SGCZ: variants seen among roughly 807,000 people sequenced by gnomAD.
SGCZ encodes sarcoglycan zeta, also known as zeta-sarcoglycan.
Under a neutral mutation model 41.3 loss-of-function variants are expected in SGCZ, and 40 were observed. The ratio of observed to expected loss-of-function variants is 0.97; its 90% CI spans 0.75 to 1.26. The LOEUF (loss-of-function observed/expected upper bound fraction) is 1.26, where lower values mean the gene tolerates loss of function less well. Among genes scored for constraint, SGCZ ranks in the 50% most tolerant of loss-of-function variants. The pLI, the probability that SGCZ is intolerant of heterozygous loss-of-function variation, is 0.00. For missense variants in SGCZ, 552 were observed against 369.8 expected (o/e 1.49, Z -4.04); for synonymous variants, 206 against 137.5 (o/e 1.50, Z -3.49).
chr8:15,050,281 C>T (rs964352373), intron 1 of SGCZ, among the ~76,000 whole-genome samples: 1 of 152,114 alleles, frequency 6.6e-6, no homozygotes, highest in African/African-American at 2.4e-5. Flanking sequence ...TATAACCCAA[C>T]TGTGAGATGA....
At chr8:15,029,565 C>T (rs890527697) in intron 1 of SGCZ, among the ~76,000 whole-genome samples, 2 of 152,004 alleles carry the variant, frequency 1.3e-5, no homozygotes, top group African/African-American at 4.8e-5. Context: ...AATTTTGAAA[C>T]AATTTGTCAG....
rs28437619 is a variant in SGCZ at position 14,190,202 on chromosome 8, C to T, written c.425-25500G>A. On this transcript the variant is annotated intron_variant, in intron 4 of 7. Transcript: ENST00000382080. ...TAATTCTTTGTATTTTTAGTAGAGA[C>T]GGGGTTTCACCGTGTTAGCCAGGAT... Among the ~76,000 whole-genome samples the T allele has an allele frequency of 1.2e-3, 179 of 151,666 alleles. 1 individual carries two copies. The highest frequency in any genetic ancestry group is 3.8e-3 in the African/African-American group (159 of 41,378).
intron 1 of SGCZ, among the ~76,000 whole-genome samples, chr8:14,936,085 TAAAGA>T (rs1800072209): frequency 6.6e-6 from 1 of 151,920 alleles, no homozygotes; most frequent in South Asian, 2.1e-4. Context: ...GCCATCATTA[TAAAGA>T]AAAGTGGACA....
chr8:14,349,128 T>G (rs1802998798), intron 2 of SGCZ, among the ~76,000 whole-genome samples: 17 of 152,148 alleles, frequency 1.1e-4, no homozygotes, highest in Admixed American at 1.1e-3. Context: ...ATCTATTATT[T>G]AACATTCGTA....
At chr8:14,420,667 T>G (rs1198454076) in intron 2 of SGCZ, among the ~76,000 whole-genome samples, 1 of 152,054 alleles carries the variant, frequency 6.6e-6, no homozygotes, top group East Asian at 1.9e-4. Context: ...GCAATAGAAC[T>G]GGAGAAATAC....
intron 1 of SGCZ, among the ~76,000 whole-genome samples, chr8:15,046,082 T>G (rs1804291319): frequency 6.6e-6 from 1 of 152,094 alleles, no homozygotes; most frequent in Admixed American, 6.6e-5. Flanking sequence ...GAAGAATTTC[T>G]ATTTTGGCTA....
At chr8:14,902,197 G>C (rs78504166) in intron 1 of SGCZ, among the ~76,000 whole-genome samples, 1 of 152,120 alleles carries the variant, frequency 6.6e-6, no homozygotes, top group Non-Finnish European at 1.5e-5. Flanking sequence ...TGGACCTCTC[G>C]TACCCAGATC....
chr8:14,217,052 C>T (rs1806018609), intron 4 of SGCZ, among the ~76,000 whole-genome samples: 2 of 152,006 alleles, frequency 1.3e-5, no homozygotes, highest in African/African-American at 2.4e-5. Context: ...CTTTGGGAGG[C>T]CGAGGTGGGT....
intron 1 of SGCZ, among the ~76,000 whole-genome samples, chr8:15,046,412 G>T (rs959189938): frequency 5.3e-5 from 8 of 151,706 alleles, no homozygotes; most frequent in South Asian, 4.2e-4. Context: ...CACAACCTTT[G>T]GATTTTTACT....
chr8:15,231,402 G>A (rs1434824019), intron 1 of SGCZ, among the ~76,000 whole-genome samples: 1 of 151,966 alleles, frequency 6.6e-6, no homozygotes, highest in Non-Finnish European at 1.5e-5. Flanking sequence ...AAACTCTCAA[G>A]GCAATTTGGA....
intron 1 of SGCZ, among the ~76,000 whole-genome samples, chr8:15,164,211 G>C (rs1326924731): frequency 6.6e-6 from 1 of 152,320 alleles, no homozygotes; most frequent in African/African-American, 2.4e-5. Context: ...TGCCCAATGT[G>C]GGGGCTTGAG....
intron 1 of SGCZ, among the ~76,000 whole-genome samples, chr8:15,065,212 T>C (rs537817381): frequency 6.6e-6 from 1 of 152,060 alleles, no homozygotes; most frequent in African/African-American, 2.4e-5. Context: ...GGACTCCATT[T>C]CAAACTCCAT....
At chr8:14,506,301 T>C (rs1802303366) in intron 2 of SGCZ, among the ~76,000 whole-genome samples, 1 of 152,174 alleles carries the variant, frequency 6.6e-6, no homozygotes, top group Admixed American at 6.5e-5. Context: ...TCTTCTCTCT[T>C]GTTAATACCA....
chr8:14,275,059 T>A (rs976732876), intron 3 of SGCZ, among the ~76,000 whole-genome samples: 1 of 152,100 alleles, frequency 6.6e-6, no homozygotes, highest in Non-Finnish European at 1.5e-5. Flanking sequence ...GATCAGTGAG[T>A]TGAATCTTTA....
chr8:14,983,433 G>C (rs1048827873), intron 1 of SGCZ, among the ~76,000 whole-genome samples: 5 of 151,930 alleles, frequency 3.3e-5, no homozygotes, highest in South Asian at 2.1e-4. Flanking sequence ...AGGCTGAAGT[G>C]CAGTGGTGCG....
chr8:14,939,883 C>T (rs1292709913), intron 1 of SGCZ, among the ~76,000 whole-genome samples: 1 of 152,152 alleles, frequency 6.6e-6, no homozygotes, highest in African/African-American at 2.4e-5. Context: ...ACATTGATGT[C>T]AGCTCAAGTA....
intron 1 of SGCZ, among the ~76,000 whole-genome samples, chr8:15,202,651 T>A (rs1800926292): frequency 7.4e-6 from 1 of 134,550 alleles, no homozygotes; most frequent in Non-Finnish European, 1.7e-5. Flanking sequence ...CCTATTAAAA[T>A]AAAATAATAA....
intron 1 of SGCZ, among the ~76,000 whole-genome samples, chr8:14,594,949 G>C (rs1298790672): frequency 1.3e-5 from 2 of 151,888 alleles, no homozygotes; most frequent in African/African-American, 4.9e-5. Context: ...TTGGCAAGGA[G>C]AAAAGGAGAA....
At chr8:14,586,232 C>T (rs1434510070) in intron 1 of SGCZ, among the ~76,000 whole-genome samples, 1 of 151,838 alleles carries the variant, frequency 6.6e-6, no homozygotes, top group African/African-American at 2.4e-5. Flanking sequence ...TTTTGTTTTT[C>T]CCTCAGAGTC....
Sources: gnomAD v4.1 joint callset for allele counts (sites outside exome capture counted in the v4.1 genomes callset) on GRCh38, gnomAD v4.1.1 for gene constraint, MANE v1.5 for transcripts, NCBI Gene and HGNC (gene_info 2026-07-23, HGNC 2026-07-21) for gene names.